Variants in MAPK1IP1L observed in about 807,000 individuals in gnomAD.
MAPK1IP1L encodes the protein MAPK-interacting and spindle-stabilizing protein-like.
Under a neutral mutation model 18.1 loss-of-function variants are expected in MAPK1IP1L, and 10 were observed. That is an observed-to-expected ratio of 0.55 (90% CI 0.34 to 0.94). The LOEUF (loss-of-function observed/expected upper bound fraction) is 0.94. Among genes scored for constraint, MAPK1IP1L ranks in the 40% least tolerant of loss-of-function variants. The pLI is 0.02. For synonymous variants in MAPK1IP1L, 115 were observed against 117.3 expected, an observed-to-expected ratio of 0.98 and a Z score of 0.13; for missense variants, 260 against 318.2, an observed-to-expected ratio of 0.82 and a Z score of 1.39.
At chr14:55,064,003 C>CTTTTTTTTTTTT (rs71131249) in intron 3 of MAPK1IP1L, 1 of 76,026 alleles carries the variant, frequency 1.3e-5, no homozygotes, top group Non-Finnish European at 2.3e-5. Flanking sequence ...TCTGTTAACT[C>CTTTTTTTTTTTT]TTTTTTTTTT....
At chr14:55,061,787 C>T in intron 2 of MAPK1IP1L, 86 bp downstream of exon 2, 1 of 1,095,866 alleles carries the variant, frequency 9.1e-7, no homozygotes, top group Non-Finnish European at 1.3e-6. Context: ...AATCTTTTCA[C>T]TTAAAAGAGA....
At chr14:55,058,636 G>T (rs1232949621) in intron 1 of MAPK1IP1L, among the ~76,000 whole-genome samples, 2 of 152,154 alleles carry the variant, frequency 1.3e-5, no homozygotes, top group Non-Finnish European at 2.9e-5. Flanking sequence ...TTCAAGAGCA[G>T]CCTGGCCAAC....
rs1394540206 is a variant in MAPK1IP1L, at chr14:55,069,664, T to C, written c.*5037T>C. On this transcript the variant is annotated 3_prime_UTR_variant, in exon 4 of 4. Coordinates refer to ENST00000395468, the MANE Select transcript of MAPK1IP1L (RefSeq NM_144578.4). ...GGAAGAAAAAAGGGCCTGAGATACCTCTTTGCATGTGACCTGCATTCACTA... is the reference window on the plus strand; with the variant it reads ...GGAAGAAAAAAGGGCCTGAGATACCCCTTTGCATGTGACCTGCATTCACTA... 1 of 152,184 alleles carries C rather than the reference T, an allele frequency of 6.6e-6. No homozygotes were observed. Among genetic ancestry groups the C allele is most frequent in the Non-Finnish European group, 1.5e-5 (1 of 68,038 alleles). The allele number at this position is 152,184 out of a possible 1,614,324, so 9.4% of individuals were successfully genotyped here. A position where few individuals can be genotyped will look rare whatever the true frequency, so the allele number is the denominator to read the frequency against.
chr14:55,062,318 T>C (rs1401698825), intron 2 of MAPK1IP1L, among the ~76,000 whole-genome samples: 2 of 152,226 alleles, frequency 1.3e-5, no homozygotes, highest in Non-Finnish European at 2.9e-5. Context: ...CTGTTAGTTC[T>C]ATCTTCTTAA....
chr14:55,062,132 A>T (rs1036514896), intron 2 of MAPK1IP1L, among the ~76,000 whole-genome samples: 1 of 152,232 alleles, frequency 6.6e-6, no homozygotes, highest in Admixed American at 6.5e-5. Flanking sequence ...TGATAGTATT[A>T]ATAGCCAACA....
chr14:55,063,355 A>G (rs2042835416), intron 3 of MAPK1IP1L, 30 bp downstream of exon 3: 2 of 1,534,736 alleles, frequency 1.3e-6, no homozygotes, highest in East Asian at 2.3e-5. Flanking sequence ...TTTAAAGTGT[A>G]CTAATTGTAC....
chr14:55,056,874 A>G (rs2042776536), intron 1 of MAPK1IP1L, among the ~76,000 whole-genome samples: 1 of 152,236 alleles, frequency 6.6e-6, no homozygotes, highest in South Asian at 2.1e-4. Context: ...CTTGTCCTTT[A>G]TGTTCTTGTC....
rs535159427 is a variant in MAPK1IP1L at position 55,054,570 on chromosome 14, T to C, written c.-5+2767T>C. Among the ~76,000 whole-genome samples, 150 of 152,382 alleles carry C rather than the reference T, an allele frequency of 9.8e-4. 1 individual carries two copies. Among genetic ancestry groups the C allele is most frequent in the African/African-American group, 3.5e-3 (146 of 41,596 alleles). ...TGTATATAGCACTTTATAGATTAAG[T>C]GTGTTACTATTTTCTGTGCAGTGGG... On this transcript the variant is annotated intron_variant, in intron 1 of 3. Coordinates refer to ENST00000395468, the MANE Select transcript of MAPK1IP1L (RefSeq NM_144578.4).
intron 1 of MAPK1IP1L, among the ~76,000 whole-genome samples, chr14:55,059,527 A>T (rs894683596): frequency 2.0e-5 from 3 of 152,198 alleles, no homozygotes; most frequent in Non-Finnish European, 4.4e-5. Context: ...CAGTGAGCTT[A>T]TGATGGTGCC....
intron 1 of MAPK1IP1L, among the ~76,000 whole-genome samples, chr14:55,059,265 T>G (rs1213883199): frequency 1.4e-5 from 2 of 143,488 alleles, no homozygotes; most frequent in Admixed American, 1.4e-4. Flanking sequence ...GTGACTCACA[T>G]TAATGTTTAT....
At position 55,067,258 on chromosome 14, in the gene MAPK1IP1L, T is replaced by G. The variant is rs2140264134; in HGVS notation, c.*2631T>G. On this transcript the variant is annotated 3_prime_UTR_variant, in exon 4 of 4. Coordinates refer to ENST00000395468, the MANE Select transcript of MAPK1IP1L (RefSeq NM_144578.4). Reference sequence around the variant, plus strand: ...TGGAGATAAAAGGGATAATATAATTTGCTTTTATATTGTTATTTTTGTAAA... The same window carrying G: ...TGGAGATAAAAGGGATAATATAATTGGCTTTTATATTGTTATTTTTGTAAA... 6.7e-6 allele frequency: 1 copy of G among 149,620 alleles called. No individual in the cohort carries two copies. Among genetic ancestry groups the G allele is most frequent in the African/African-American group, 2.5e-5 (1 of 40,102 alleles). The allele number at this position is 149,620 out of a possible 1,614,324, so 9.3% of individuals were successfully genotyped here. A position where few individuals can be genotyped will look rare whatever the true frequency, so the allele number is the denominator to read the frequency against.
chr14:55,063,380 A>G, intron 3 of MAPK1IP1L, 55 bp downstream of exon 3: 1 of 1,424,522 alleles, frequency 7.0e-7, no homozygotes, highest in Non-Finnish European at 9.5e-7. Context: ...CACAACTGAC[A>G]TTGTTTCTCC....
At chr14:55,058,186 A>G (rs1246368351) in intron 1 of MAPK1IP1L, among the ~76,000 whole-genome samples, 1 of 152,166 alleles carries the variant, frequency 6.6e-6, no homozygotes, top group Non-Finnish European at 1.5e-5. Context: ...ATGGGAGGAA[A>G]CTGGAGTACT....
chr14:55,058,229 C>T (rs928995720), intron 1 of MAPK1IP1L, among the ~76,000 whole-genome samples: 1 of 152,200 alleles, frequency 6.6e-6, no homozygotes, highest in African/African-American at 2.4e-5. Context: ...GAGAATGAGC[C>T]AGCTTCACAC....
At position 55,065,707 on chromosome 14, in the gene MAPK1IP1L, A is replaced by G. The variant is rs1295171510; in HGVS notation, c.*1080A>G. On this transcript the variant is annotated 3_prime_UTR_variant, in exon 4 of 4. Coordinates refer to ENST00000395468, the MANE Select transcript of MAPK1IP1L (RefSeq NM_144578.4). ...CAGACATGACTGTTCTCTTTGTACA[A>G]GTGTGAATCAAAATATGTATCTCTT... The G allele has an allele frequency of 1.3e-5, 2 of 152,196 alleles. No individual in the cohort carries two copies. Among genetic ancestry groups the G allele is most frequent in the Non-Finnish European group, 2.9e-5 (2 of 68,036 alleles). 9.4% of individuals were successfully genotyped at this position (152,196 alleles called of 1,614,324 possible). A position where few individuals can be genotyped will look rare whatever the true frequency, so the allele number is the denominator to read the frequency against.
rs932383968 is a variant in MAPK1IP1L, at chr14:55,066,612, T to G, written c.*1985T>G. 8 of 152,224 alleles carry G rather than the reference T, an allele frequency of 5.3e-5. No homozygotes were observed. The highest frequency in any genetic ancestry group is 1.0e-4 in the Non-Finnish European group (7 of 68,038). The allele number at this position is 152,224 out of a possible 1,614,324, so 9.4% of individuals were successfully genotyped here. On this transcript the variant is annotated 3_prime_UTR_variant, in exon 4 of 4. Coordinates refer to ENST00000395468, the MANE Select transcript of MAPK1IP1L (RefSeq NM_144578.4). ...TTACAGTTATTTTGGCTGTCCTACATTGGGATAAGCTGACAAATTAGCAGT... is the reference window on the plus strand; with the variant it reads ...TTACAGTTATTTTGGCTGTCCTACAGTGGGATAAGCTGACAAATTAGCAGT...
chr14:55,057,192 A>ACT (rs1399528912), intron 1 of MAPK1IP1L, among the ~76,000 whole-genome samples: 1 of 152,238 alleles, frequency 6.6e-6, no homozygotes, highest in Non-Finnish European at 1.5e-5. Flanking sequence ...GCCCACTATC[A>ACT]CTCAACATTT....
intron 1 of MAPK1IP1L, 81 bp downstream of exon 1, chr14:55,051,884 C>T: frequency 2.4e-6 from 1 of 418,116 alleles, no homozygotes; most frequent in Non-Finnish European, 4.8e-6. Flanking sequence ...CGCGGCCAAG[C>T]GGGAAGCGGG....
In MAPK1IP1L at chr14:55,054,749, T is replaced by C. The variant is rs564755142; in HGVS notation, c.-5+2946T>C. Among the ~76,000 whole-genome samples the C allele has an allele frequency of 2.0e-5, 3 of 152,310 alleles. No individual in the cohort carries two copies. In the South Asian group the frequency reaches 6.2e-4, roughly 32 times the overall value. On this transcript the variant is annotated intron_variant, in intron 1 of 3. Coordinates refer to ENST00000395468, the MANE Select transcript of MAPK1IP1L (RefSeq NM_144578.4). ...CACAATTTGAAGGCTGTCTGAAATA[T>C]CCATGAACTCCACTGGTAATTCATG... is the stretch of plus-strand genomic sequence containing the variant.
Sources: allele counts gnomAD v4.1 joint callset (sites outside exome capture counted in the v4.1 genomes callset), GRCh38; gene constraint gnomAD v4.1.1; transcripts MANE v1.5; gene names NCBI Gene and HGNC (gene_info 2026-07-23, HGNC 2026-07-21).